The following TMEM132D variants were observed in gnomAD, a reference collection of about 807,000 sequenced individuals.
TMEM132D encodes transmembrane protein 132D, also known as mature OL transmembrane protein.
Under a neutral mutation model 62.3 loss-of-function variants are expected in TMEM132D, and 21 were observed. That is an observed-to-expected ratio of 0.34 (90% CI 0.24 to 0.49). The LOEUF (loss-of-function observed/expected upper bound fraction) is 0.49. TMEM132D is among the 20% of genes least tolerant of loss of function. The pLI is 0.99. For missense variants in TMEM132D, 1,346 were observed against 1,402.8 expected, an observed-to-expected ratio of 0.96 and a Z score of 0.65; for synonymous variants, 621 against 575.6, an observed-to-expected ratio of 1.08 and a Z score of -1.13.
At chr12:129,641,944 T>A (rs1367556183) in intron 2 of TMEM132D, among the ~76,000 whole-genome samples, 2 of 152,130 alleles carry the variant, frequency 1.3e-5, no homozygotes, top group African/African-American at 4.8e-5. Flanking sequence ...CTGTGTTATA[T>A]CATGCAAATT....
chr12:129,616,237 C>A (rs1356489709), intron 2 of TMEM132D, among the ~76,000 whole-genome samples: 1 of 152,160 alleles, frequency 6.6e-6, no homozygotes, highest in African/African-American at 2.4e-5. Context: ...GTTGCGGTAG[C>A]CTTCAGCCAT....
chr12:129,221,837 C>A (rs531195170), intron 4 of TMEM132D, among the ~76,000 whole-genome samples: 162 of 152,228 alleles, frequency 1.1e-3, no homozygotes, highest in African/African-American at 3.8e-3. Context: ...ACAAACGCTG[C>A]GACAATGATG....
chr12:129,134,954 A>C (rs1876514128), intron 5 of TMEM132D, among the ~76,000 whole-genome samples: 1 of 152,240 alleles, frequency 6.6e-6, no homozygotes, highest in African/African-American at 2.4e-5. Flanking sequence ...CCAAACCCAC[A>C]CTGGACCAAT....
chr12:129,879,952 T>C (rs1211183824), intron 1 of TMEM132D, among the ~76,000 whole-genome samples: 1 of 152,090 alleles, frequency 6.6e-6, no homozygotes, highest in African/African-American at 2.4e-5. Context: ...AGAGGAGCTA[T>C]CTGAAGAGGA....
At chr12:129,119,185 T>A (rs983899828) in intron 5 of TMEM132D, among the ~76,000 whole-genome samples, 2 of 152,248 alleles carry the variant, frequency 1.3e-5, no homozygotes, top group Non-Finnish European at 1.5e-5. Context: ...TTTGACTTTT[T>A]AAAATCTTTT....
chr12:129,650,912 CT>C (rs1267831178), intron 2 of TMEM132D, among the ~76,000 whole-genome samples: 1 of 152,192 alleles, frequency 6.6e-6, no homozygotes, highest in Non-Finnish European at 1.5e-5. Flanking sequence ...GGCTGACTGA[CT>C]TTTGGGTGGA....
chr12:129,577,069 G>A (rs1877683565), intron 2 of TMEM132D, among the ~76,000 whole-genome samples: 2 of 151,788 alleles, frequency 1.3e-5, no homozygotes, highest in African/African-American at 4.9e-5. Flanking sequence ...AGCATCACTA[G>A]TGGCACTCTG....
At chr12:129,077,183 G>A (rs530597227) in intron 8 of TMEM132D, among the ~76,000 whole-genome samples, 3 of 152,230 alleles carry the variant, frequency 2.0e-5, no homozygotes, top group African/African-American at 7.2e-5. Context: ...TGGCACTCCT[G>A]CCTCCTCTGA....
intron 2 of TMEM132D, among the ~76,000 whole-genome samples, chr12:129,620,413 A>C (rs1879033983): frequency 6.6e-6 from 1 of 152,202 alleles, no homozygotes; most frequent in Non-Finnish European, 1.5e-5. Context: ...AGCCTGGACA[A>C]CATGGCAAAA....
chr12:129,221,240 A>C (rs1234000132), intron 4 of TMEM132D, among the ~76,000 whole-genome samples: 1 of 152,198 alleles, frequency 6.6e-6, no homozygotes, highest in African/African-American at 2.4e-5. Flanking sequence ...TGATGCAGTG[A>C]GGAGATGCTG....
intron 3 of TMEM132D, among the ~76,000 whole-genome samples, chr12:129,465,381 T>G (rs1207645989): frequency 6.6e-6 from 1 of 152,154 alleles, no homozygotes; most frequent in Non-Finnish European, 1.5e-5. Context: ...CTTTGAAAAC[T>G]GGCACAAGAC....
At chr12:129,753,445 C>T (rs925049521) in intron 1 of TMEM132D, among the ~76,000 whole-genome samples, 1 of 152,140 alleles carries the variant, frequency 6.6e-6, no homozygotes, top group Non-Finnish European at 1.5e-5. Flanking sequence ...TTGTTTTGTA[C>T]GAGTCTTCCT....
rs543710121 is a variant in TMEM132D at position 129,762,186 on chromosome 12, G to A, written c.80-61488C>T. Among the ~76,000 whole-genome samples, 48 of 152,104 alleles carry A rather than the reference G, an allele frequency of 3.2e-4. 1 individual carries two copies. Among genetic ancestry groups the A allele is most frequent in the African/African-American group, 1.1e-3 (47 of 41,504 alleles). ...TTATGTGTGTCCATTTTTTTCTACT[G>A]TCTAAACCGATTTGAGCTGCCTATT... On this transcript the variant is annotated intron_variant, in intron 1 of 8. Coordinates refer to ENST00000422113, the MANE Select transcript of TMEM132D (RefSeq NM_133448.3).
At chr12:129,731,937 C>G (rs1250735922) in intron 1 of TMEM132D, among the ~76,000 whole-genome samples, 1 of 152,182 alleles carries the variant, frequency 6.6e-6, no homozygotes, top group Non-Finnish European at 1.5e-5. Context: ...GCTGGGATTA[C>G]AGGCGTGAGC....
chr12:129,156,407 C>G (rs566125799), intron 5 of TMEM132D, among the ~76,000 whole-genome samples: 2 of 152,184 alleles, frequency 1.3e-5, no homozygotes, highest in African/African-American at 4.8e-5. Context: ...GATAACCAAC[C>G]CACTCTCATG....
intron 3 of TMEM132D, among the ~76,000 whole-genome samples, chr12:129,524,656 G>T (rs1875958420): frequency 6.6e-6 from 1 of 152,044 alleles, no homozygotes; most frequent in Non-Finnish European, 1.5e-5. Flanking sequence ...TTCTAGAACT[G>T]TAATTTCAGG....
chr12:129,660,245 T>A (rs1247125061), intron 2 of TMEM132D, among the ~76,000 whole-genome samples: 1 of 152,062 alleles, frequency 6.6e-6, no homozygotes, highest in African/African-American at 2.4e-5. Flanking sequence ...GGGAAGGCAA[T>A]TCATTTTGTA....
At chr12:129,349,666 G>A (rs1869802909) in intron 3 of TMEM132D, among the ~76,000 whole-genome samples, 1 of 152,126 alleles carries the variant, frequency 6.6e-6, no homozygotes, top group Admixed American at 6.5e-5. Context: ...AACATACCCT[G>A]GCAAAGATCG....
Position 129,882,276 on chromosome 12 carries a change from G to A in TMEM132D, c.79+20985C>T, listed in dbSNP as rs147283699. On this transcript the variant is annotated intron_variant, in intron 1 of 8. Coordinates refer to ENST00000422113, the MANE Select transcript of TMEM132D (RefSeq NM_133448.3). Reference sequence around the variant, plus strand: ...ACTCCTCATCTCTTTTACGAAGCCCGTAGTACCCTAACACCAAAAGTAGAC... The same window carrying A: ...ACTCCTCATCTCTTTTACGAAGCCCATAGTACCCTAACACCAAAAGTAGAC... 2.3e-3 allele frequency among the ~76,000 whole-genome samples: 352 copies of A among 152,112 alleles called. 1 individual carries two copies. The highest frequency in any genetic ancestry group is 8.1e-3 in the African/African-American group (335 of 41,514).
Sources: gnomAD v4.1 joint callset for allele counts (sites outside exome capture counted in the v4.1 genomes callset) on GRCh38, gnomAD v4.1.1 for gene constraint, MANE v1.5 for transcripts, NCBI Gene and HGNC (gene_info 2026-07-23, HGNC 2026-07-21) for gene names.